Variants in GYG1 observed in about 807,000 individuals in gnomAD.
GYG1 encodes glycogenin-1.
In GYG1, 44 loss-of-function variants were observed where a neutral mutation model predicts 41.9. The observed-to-expected ratio is 1.05, with a 90% CI of 0.83 to 1.35. The LOEUF (loss-of-function observed/expected upper bound fraction) is 1.35, where lower values mean the gene tolerates loss of function less well. Ranked by LOEUF, GYG1 falls within the 40% of genes most tolerant of loss-of-function variation. The probability of loss-of-function intolerance (pLI) is 0.00; values close to 1 mark genes in which losing one functional copy is unlikely to be tolerated. For missense variants in GYG1, 429 were observed against 418.9 expected (o/e 1.02, Z -0.21); for synonymous variants, 141 against 158.1 (o/e 0.89, Z 0.81).
rs10575910 is a variant in GYG1 at position 149,012,997 on chromosome 3, TTGTGTGTG to T, written c.608+3623_608+3630del. ...GCATGTGCCACTATGCTCAGTTAAT[TTGTGTGTG>T]TGTGTGTGTGTGTGTGTGTGTGTGT... On this transcript the variant is annotated intron_variant, in intron 5 of 7. Transcript: ENST00000345003. Among the ~76,000 whole-genome samples, 514 of 141,462 alleles carry T rather than the reference TTGTGTGTG, an allele frequency of 3.6e-3. 2 individuals carry two copies. The highest frequency in any genetic ancestry group is 0.014 in the African/African-American group (495 of 36,440). The allele number at this position is 141,462 out of a possible 152,430, so 92.8% of individuals were successfully genotyped here.
rs1240419987 is a variant in GYG1, at chr3:149,026,972, G to A, written c.*39G>A. ...TTCTGTGAACACATCCACTTCACAA[G>A]CCTTGTTTCTGATACTTAGTATCTA... is the stretch of plus-strand genomic sequence containing the variant. On this transcript the variant is annotated 3_prime_UTR_variant, in exon 8 of 8. Coordinates refer to ENST00000345003, the MANE Select transcript of GYG1 (RefSeq NM_004130.4). 6.2e-7 allele frequency: 1 copy of A among 1,602,820 alleles called. No homozygotes were observed. The highest frequency in any genetic ancestry group is 1.3e-5 in the African/African-American group (1 of 74,854).
intron 5 of GYG1, among the ~76,000 whole-genome samples, chr3:149,022,774 G>C (rs185649980): frequency 6.6e-6 from 1 of 152,096 alleles, no homozygotes; most frequent in Non-Finnish European, 1.5e-5. Flanking sequence ...GATGACAGGT[G>C]TAAGCCACCG....
At chr3:149,026,578 T>C (rs1714663102) in intron 7 of GYG1, 76 bp downstream of exon 7, 1 of 1,083,416 alleles carries the variant, frequency 9.2e-7, no homozygotes, top group Non-Finnish European at 1.4e-6. Context: ...GTCTTCATTT[T>C]GTTAGGAAAA....
chr3:149,023,293 G>A (rs545137854), intron 5 of GYG1, among the ~76,000 whole-genome samples: 10 of 152,208 alleles, frequency 6.6e-5, no homozygotes, highest in Admixed American at 2.0e-4. Flanking sequence ...AGGTGGGAAA[G>A]TGTCCTCCCC....
chr3:148,993,315 C>CG (rs1228925059), intron 1 of GYG1, among the ~76,000 whole-genome samples: 1 of 44,134 alleles, frequency 2.3e-5, no homozygotes, highest in African/African-American at 1.0e-4. Flanking sequence ...TTGGTTTGGG[C>CG]GGGGGGAGGG....
chr3:148,997,621 G>C (rs772282108), intron 4 of GYG1, among the ~76,000 whole-genome samples: 1 of 152,176 alleles, frequency 6.6e-6, no homozygotes, highest in Non-Finnish European at 1.5e-5. Context: ...GAAATAACAA[G>C]CCATGTTTTT....
chr3:149,015,378 T>G lies in GYG1; in HGVS notation c.608+5976T>G, dbSNP rs367938681. On this transcript the variant is annotated intron_variant, in intron 5 of 7. Transcript: ENST00000345003. ...AAGATGATGTAGCCAAGGGAGTGAT[T>G]ATCAGTAGAAGAGTCCTGAGGATTG... Among the ~76,000 whole-genome samples the G allele has an allele frequency of 5.9e-5, 9 of 152,272 alleles. No homozygotes were observed. The East Asian group carries it at 1.7e-3, about 29-fold the overall frequency.
At chr3:149,005,127 T>G (rs1316487193) in intron 4 of GYG1, among the ~76,000 whole-genome samples, 1 of 152,230 alleles carries the variant, frequency 6.6e-6, no homozygotes, top group East Asian at 1.9e-4. Flanking sequence ...GTTCTCAAAT[T>G]GGATAAATGT....
intron 2 of GYG1, 90 bp from the exon 3 acceptor site, chr3:148,996,212 G>A: frequency 1.1e-6 from 1 of 893,450 alleles, no homozygotes; most frequent in East Asian, 2.4e-5. Flanking sequence ...GTAATTGATG[G>A]AGAAGGTAAT....
chr3:149,005,318 A>G (rs566950047), intron 4 of GYG1, among the ~76,000 whole-genome samples: 2 of 152,278 alleles, frequency 1.3e-5, no homozygotes, highest in African/African-American at 4.8e-5. Flanking sequence ...TAGGAAAAAG[A>G]GGGGGGAAGG....
Position 149,029,782 on chromosome 3 carries a change from T to G in GYG1, c.*2849T>G, listed in dbSNP as rs1367731577. ...TAGGGTTAGTTTGTATTTCCAATTCTAGAGCTGTAATTTTAAGGACAAAAT... is the reference window on the plus strand; with the variant it reads ...TAGGGTTAGTTTGTATTTCCAATTCGAGAGCTGTAATTTTAAGGACAAAAT... On this transcript the variant is annotated 3_prime_UTR_variant, in exon 8 of 8. Coordinates refer to ENST00000345003, the MANE Select transcript of GYG1 (RefSeq NM_004130.4). 6.6e-6 allele frequency among the ~76,000 whole-genome samples: 1 copy of G among 152,222 alleles called. No homozygotes were observed. Among genetic ancestry groups the G allele is most frequent in the Non-Finnish European group, 1.5e-5 (1 of 68,038 alleles).
chr3:149,007,307 G>A (rs1196601404), intron 4 of GYG1, among the ~76,000 whole-genome samples: 3 of 152,168 alleles, frequency 2.0e-5, no homozygotes, highest in East Asian at 1.9e-4. Context: ...GAATTTTGGG[G>A]TATCTAAACA....
intron 4 of GYG1, among the ~76,000 whole-genome samples, chr3:149,003,695 T>G (rs1713234492): frequency 6.6e-6 from 1 of 152,160 alleles, no homozygotes; most frequent in Non-Finnish European, 1.5e-5. Flanking sequence ...CTCAACAGTT[T>G]GCATTTCTGT....
chr3:149,010,184 A>G (rs954191835), intron 5 of GYG1, among the ~76,000 whole-genome samples: 10 of 152,226 alleles, frequency 6.6e-5, no homozygotes, highest in African/African-American at 2.2e-4. Context: ...CAGCTCCTCC[A>G]TATGTAAAAC....
intron 4 of GYG1, among the ~76,000 whole-genome samples, chr3:148,998,905 A>G (rs1576539651): frequency 6.6e-6 from 1 of 152,196 alleles, no homozygotes; most frequent in East Asian, 1.9e-4. Flanking sequence ...TAATCCTGCC[A>G]GAAATTCGGT....
rs748162789 is a variant in GYG1, at chr3:149,024,034, A to G, written c.609-19A>G. On this transcript the variant is annotated intron_variant, in intron 5 of 7. Transcript: ENST00000345003. The stretch of plus-strand genomic sequence containing the variant: ...TACTCAGAATCCACTAACTGTTTCA[A>G]CTTGCGTTCACTTGGCAGGTTTGGT... 82 of 1,581,496 alleles carry G rather than the reference A, an allele frequency of 5.2e-5. No homozygotes were observed. Among genetic ancestry groups the G allele is most frequent in the Non-Finnish European group, 7.0e-5 (81 of 1,150,328 alleles).
At chr3:149,004,593 G>A (rs142333086) in intron 4 of GYG1, among the ~76,000 whole-genome samples, 168 of 152,276 alleles carry the variant, frequency 1.1e-3, no homozygotes, top group African/African-American at 3.8e-3. Flanking sequence ...ATTCAGCTAC[G>A]GACTTCTACA....
intron 5 of GYG1, among the ~76,000 whole-genome samples, chr3:149,016,607 T>G (rs1484215282): frequency 6.6e-6 from 1 of 152,164 alleles, no homozygotes; most frequent in East Asian, 1.9e-4. Flanking sequence ...GGAGGATTAG[T>G]TTGCAAGGCA....
At chr3:149,006,513 T>G (rs1323252664) in intron 4 of GYG1, among the ~76,000 whole-genome samples, 1 of 152,248 alleles carries the variant, frequency 6.6e-6, no homozygotes, top group African/African-American at 2.4e-5. Flanking sequence ...TATATAACTT[T>G]GTGAGATTGG....
Sources: allele counts gnomAD v4.1 joint callset (sites outside exome capture counted in the v4.1 genomes callset), GRCh38; gene constraint gnomAD v4.1.1; transcripts MANE v1.5; gene names NCBI Gene and HGNC (gene_info 2026-07-23, HGNC 2026-07-21).